The following ZNF529 variants were observed in gnomAD, a reference collection of about 807,000 sequenced individuals.
The protein encoded by ZNF529 is zinc finger protein 529.
A neutral mutation model predicts 10.1 loss-of-function variants in ZNF529; 11 were observed. That is an observed-to-expected ratio of 1.09 (90% CI 0.69 to 1.81). The LOEUF (loss-of-function observed/expected upper bound fraction) is 1.81. Among genes scored for constraint, ZNF529 ranks in the 40% most tolerant of loss-of-function variants. The probability of loss-of-function intolerance (pLI) is 0.00; values close to 1 mark genes in which losing one functional copy is unlikely to be tolerated. For synonymous variants in ZNF529, 204 were observed against 215.7 expected (o/e 0.95, Z 0.47); for missense variants, 624 against 666.8 (o/e 0.94, Z 0.71).
Position 36,572,379 on chromosome 19 carries a change from C to T in ZNF529, c.-33G>A. ...AATGCTGTCTTCCACTTCAGGGGGC[C>T]TTCACTTGCAGAACTACATAACCAA... is the stretch of plus-strand genomic sequence containing the variant. On this transcript the variant is annotated 5_prime_UTR_variant, in exon 2 of 5. Coordinates refer to ENST00000591340, the MANE Select transcript of ZNF529 (RefSeq NM_020951.5). 6.4e-7 allele frequency: 1 copy of T among 1,551,068 alleles called. No homozygotes were observed. The highest frequency in any genetic ancestry group is 8.7e-7 in the Non-Finnish European group (1 of 1,146,848).
At chr19:36,570,360 C>CAAAAAAAAAAA (rs58429405) in intron 2 of ZNF529, among the ~76,000 whole-genome samples, 59 of 70,338 alleles carry the variant, frequency 8.4e-4, no homozygotes, top group Non-Finnish European at 1.0e-3. Flanking sequence ...GACCCTATCT[C>CAAAAAAAAAAA]AAAAAAAAAA....
At chr19:36,585,535 G>A (rs1224066251) in intron 2 of ZNF529, among the ~76,000 whole-genome samples, 1 of 152,176 alleles carries the variant, frequency 6.6e-6, no homozygotes, top group African/African-American at 2.4e-5. Context: ...GTAAATGGAG[G>A]GAATAAGTCT....
At chr19:36,578,942 C>G (rs1278282298) in intron 2 of ZNF529, among the ~76,000 whole-genome samples, 1 of 151,552 alleles carries the variant, frequency 6.6e-6, no homozygotes, top group East Asian at 2.0e-4. Context: ...GGCAGTGGCT[C>G]ATGCCTATAA....
chr19:36,585,203 C>T (rs1600347771), intron 2 of ZNF529, among the ~76,000 whole-genome samples: 2 of 152,322 alleles, frequency 1.3e-5, no homozygotes, highest in South Asian at 4.1e-4. Context: ...GAATTAAAGA[C>T]TCAGGCCTAT....
intron 1 of ZNF529, among the ~76,000 whole-genome samples, chr19:36,591,549 C>G (rs1427437484): frequency 6.6e-6 from 1 of 151,224 alleles, no homozygotes; most frequent in African/African-American, 2.4e-5. Flanking sequence ...GAAACCCCGT[C>G]TCTACTAAGA....
intron 1 of ZNF529, among the ~76,000 whole-genome samples, chr19:36,599,041 C>A (rs1445029568): frequency 6.6e-6 from 1 of 152,138 alleles, no homozygotes; most frequent in African/African-American, 2.4e-5. Flanking sequence ...GAGAATCTGA[C>A]CCAAATAGTT....
At chr19:36,601,257 C>CCA (rs1034428174) in intron 1 of ZNF529, among the ~76,000 whole-genome samples, 1 of 151,902 alleles carries the variant, frequency 6.6e-6, no homozygotes, top group Non-Finnish European at 1.5e-5. Context: ...ACGCCCACCA[C>CCA]CACACCTGGC....
intron 2 of ZNF529, among the ~76,000 whole-genome samples, chr19:36,571,532 G>A (rs373395725): frequency 2.9e-4 from 44 of 152,008 alleles, no homozygotes; most frequent in African/African-American, 7.0e-4. Flanking sequence ...AAAATTAGCC[G>A]GGCATGGTGG....
chr19:36,547,197 T>G lies in ZNF529; in HGVS notation c.1361A>C (p.Glu454Ala), dbSNP rs775298631. Residue 454 changes from glutamate (E) to alanine (A), a missense_variant, in exon 5 of 5, where the codon GAG becomes GCG. Coordinates refer to ENST00000591340, the MANE Select transcript of ZNF529 (RefSeq NM_020951.5). Reference sequence around the variant, plus strand: ...CGTAAGTCTAAAGAACTTTCCACACTCCTTACATTCATAAGGTTTTTGACC... The same window carrying G: ...CGTAAGTCTAAAGAACTTTCCACACGCCTTACATTCATAAGGTTTTTGACC... ...HSGQKPYECKECGKFFRLTSA... is the reference protein window; with the variant it reads ...HSGQKPYECKACGKFFRLTSA... 4 of 1,613,378 alleles carry G rather than the reference T, an allele frequency of 2.5e-6. No individual in the cohort carries two copies. The highest frequency in any genetic ancestry group is 1.7e-5 in the Admixed American group (1 of 60,014).
At chr19:36,600,373 C>T (rs533909211) in intron 1 of ZNF529, among the ~76,000 whole-genome samples, 4 of 152,170 alleles carry the variant, frequency 2.6e-5, no homozygotes, top group Non-Finnish European at 5.9e-5. Context: ...CCTTGAAAAG[C>T]TGCTAATAAA....
chr19:36,583,039 CAG>C (rs1219163832), intron 2 of ZNF529, among the ~76,000 whole-genome samples: 5 of 147,946 alleles, frequency 3.4e-5, no homozygotes, highest in African/African-American at 7.5e-5. Flanking sequence ...AATAGAAAAA[CAG>C]AAAGTCTGTA....
At chr19:36,577,390 G>A, upstream of ZNF529, 1 of 289,432 alleles carries the variant, frequency 3.5e-6, no homozygotes, top group Admixed American at 4.8e-5. Flanking sequence ...TTCCCTTCTA[G>A]TCATATCCCA....
chr19:36,554,375 A>C (rs886341687), intron 4 of ZNF529, among the ~76,000 whole-genome samples: 1 of 152,148 alleles, frequency 6.6e-6, no homozygotes, highest in East Asian at 1.9e-4. Context: ...TCAGGAGTTC[A>C]AGACCAGCCT....
intron 3 of ZNF529, among the ~76,000 whole-genome samples, chr19:36,555,657 T>C (rs1000606742): frequency 1.3e-5 from 2 of 152,210 alleles, no homozygotes; most frequent in Non-Finnish European, 2.9e-5. Flanking sequence ...GTTAAAAATA[T>C]AATAGCCTTA....
At chr19:36,576,598 T>G (rs1260541633), upstream of ZNF529, among the ~76,000 whole-genome samples, 1 of 151,922 alleles carries the variant, frequency 6.6e-6, no homozygotes, top group Non-Finnish European at 1.5e-5. Flanking sequence ...GCACCTGTAG[T>G]CCCAGCTACT....
intron 2 of ZNF529, among the ~76,000 whole-genome samples, chr19:36,584,641 C>T (rs776425605): frequency 2.2e-4 from 33 of 151,886 alleles, no homozygotes; most frequent in Admixed American, 7.2e-4. Context: ...GTGGCGCTCA[C>T]CTGTGATCCC....
chr19:36,596,057 CTTTTTTTTTTTTTTTT>C (rs61695534), intron 1 of ZNF529, among the ~76,000 whole-genome samples: 9 of 68,650 alleles, frequency 1.3e-4, no homozygotes, highest in Admixed American at 9.2e-4. Context: ...TCCTGAAGCT[CTTTTTTTTTTTTTTTT>C]TTTTTTTTTT....
chr19:36,553,357 G>A (rs926767899), intron 4 of ZNF529, among the ~76,000 whole-genome samples: 3 of 151,846 alleles, frequency 2.0e-5, no homozygotes, highest in African/African-American at 4.8e-5. Context: ...GGTTGGTCGC[G>A]AACTCCTGAG....
chr19:36,572,262 T>A (rs1479915495), intron 2 of ZNF529, 71 bp downstream of exon 2: 6 of 1,515,298 alleles, frequency 4.0e-6, no homozygotes, highest in Non-Finnish European at 5.4e-6. Context: ...GGGACCCATC[T>A]CTACGGTCCT....
Sources: gnomAD v4.1 joint callset for allele counts (sites outside exome capture counted in the v4.1 genomes callset) on GRCh38, gnomAD v4.1.1 for gene constraint, MANE v1.5 for transcripts, NCBI Gene and HGNC (gene_info 2026-07-23, HGNC 2026-07-21) for gene names.